SSUH2: variants seen among roughly 807,000 people sequenced by gnomAD.
The protein encoded by SSUH2 is protein SSUH2 homolog.
Under a neutral mutation model 55.3 loss-of-function variants are expected in SSUH2, and 47 were observed. That is an observed-to-expected ratio of 0.85 (90% CI 0.67 to 1.08). SSUH2 has a LOEUF of 1.08. Ranked by LOEUF, SSUH2 falls within the 50% of genes least tolerant of loss-of-function variation. SSUH2 has a pLI of 0.00. For synonymous variants in SSUH2, 212 were observed against 191.5 expected, an observed-to-expected ratio of 1.11 and a Z score of -0.89; for missense variants, 535 against 490.7, an observed-to-expected ratio of 1.09 and a Z score of -0.85.
chr3:8,621,585 T>C (rs771464571), intron 11 of SSUH2, among the ~76,000 whole-genome samples: 1 of 152,144 alleles, frequency 6.6e-6, no homozygotes, highest in Non-Finnish European at 1.5e-5. Flanking sequence ...CAGCTTTCCA[T>C]GTGATCTTGT....
At chr3:8,642,978 G>T (rs1701111446) in intron 1 of SSUH2, among the ~76,000 whole-genome samples, 1 of 152,136 alleles carries the variant, frequency 6.6e-6, no homozygotes, top group African/African-American at 2.4e-5. Flanking sequence ...ACAACCCTAT[G>T]AAAGACTCAG....
At chr3:8,621,369 C>T (rs755023778) in intron 11 of SSUH2, among the ~76,000 whole-genome samples, 8 of 152,090 alleles carry the variant, frequency 5.3e-5, no homozygotes, top group African/African-American at 1.4e-4. Context: ...TAAACCAGGC[C>T]GGGTGGGGGG....
chr3:8,624,654 T>G (rs1055435766), intron 10 of SSUH2, among the ~76,000 whole-genome samples: 4 of 152,200 alleles, frequency 2.6e-5, no homozygotes, highest in African/African-American at 9.7e-5. Context: ...GCTTTCAGAC[T>G]ATGTAGTCTG....
chr3:8,631,081 G>T, intron 5 of SSUH2, 152 bp from the exon 6 acceptor site: 1 of 772,166 alleles, frequency 1.3e-6, no homozygotes, highest in Non-Finnish European at 1.8e-6. Context: ...CTTCCTTGGA[G>T]GCAGTGACTA....
In SSUH2 at chr3:8,633,796, C is replaced by T; in HGVS notation, c.210-1G>A. On this transcript the variant is annotated splice_acceptor_variant, in intron 3 of 11. Transcript: ENST00000544814. LOFTEE classifies it high-confidence loss of function. ...CACCTCCTCCGTCATCGCAGGGACTCTGCAGGGGACCGAACAGAGAGGCGG... is the reference window on the plus strand; with the variant it reads ...CACCTCCTCCGTCATCGCAGGGACTTTGCAGGGGACCGAACAGAGAGGCGG... 1 of 1,613,666 alleles carries T rather than the reference C, an allele frequency of 6.2e-7. No individual in the cohort carries two copies. Among genetic ancestry groups the T allele is most frequent in the Non-Finnish European group, 8.5e-7 (1 of 1,179,934 alleles).
chr3:8,676,552 G>A (rs1447128369), intron 3 of SSUH2, among the ~76,000 whole-genome samples: 1 of 151,004 alleles, frequency 6.6e-6, no homozygotes, highest in East Asian at 2.0e-4. Flanking sequence ...GCCATATTGG[G>A]AGTAATATCA....
Position 8,630,269 on chromosome 3 carries a change from T to C in SSUH2, c.525+536A>G, listed in dbSNP as rs1698492521. Among the ~76,000 whole-genome samples the C allele has an allele frequency of 4.6e-5, 7 of 152,236 alleles. 1 individual carries two copies. The South Asian group carries it at 1.5e-3, about 32-fold the overall frequency. On this transcript the variant is annotated intron_variant, in intron 6 of 11. Transcript: ENST00000544814. ...TGCACCCTTAAATCCAGTCCAAAAGTGTAAAGCAGGCAGTAACCGGAAAAG... is the reference window on the plus strand; with the variant it reads ...TGCACCCTTAAATCCAGTCCAAAAGCGTAAAGCAGGCAGTAACCGGAAAAG...
At chr3:8,626,351 G>T in intron 8 of SSUH2, 30 bp from the exon 9 acceptor site, 1 of 1,591,312 alleles carries the variant, frequency 6.3e-7, no homozygotes, top group Non-Finnish European at 8.6e-7. Flanking sequence ...CGTACCCCCA[G>T]ATCAGTTGCA....
At chr3:8,644,936 C>T (rs1018098420), upstream of SSUH2, 3 of 648,080 alleles carry the variant, frequency 4.6e-6, no homozygotes, top group African/African-American at 1.8e-5. Context: ...CCCAATCCAC[C>T]GGGTTCTGGG....
chr3:8,635,885 TTGGG>T, intron 1 of SSUH2, 28 bp from the exon 2 acceptor site: 1 of 1,530,716 alleles, frequency 6.5e-7, no homozygotes, highest in Non-Finnish European at 8.7e-7. Flanking sequence ...TTCCTAAGCC[TTGGG>T]TAGGGAGGCG....
chr3:8,664,891 C>T (rs532832302), intron 5 of SSUH2, among the ~76,000 whole-genome samples: 27 of 152,342 alleles, frequency 1.8e-4, no homozygotes, highest in Middle Eastern at 3.4e-3. Context: ...AGGCATCTCC[C>T]GATTCCTGCA....
At chr3:8,671,075 G>A (rs1353845238) in exon 5 of SSUH2, 1 of 323,584 alleles carries the variant, frequency 3.1e-6, no homozygotes, top group South Asian at 2.4e-5. Flanking sequence ...ATTGTGAAAT[G>A]ACTAGTGAAG....
intron 3 of SSUH2, chr3:8,634,029 G>C: frequency 1.5e-6 from 2 of 1,378,590 alleles, no homozygotes; most frequent in Non-Finnish European, 2.0e-6. Flanking sequence ...TAGTTGAAAT[G>C]TGGAGCTTAG....
At chr3:8,633,882 G>A (rs143511291) in intron 3 of SSUH2, 87 bp from the exon 4 acceptor site, 443 of 1,613,966 alleles carry the variant, frequency 2.7e-4, no homozygotes, top group East Asian at 1.5e-3. Context: ...ACGTGCAGGC[G>A]AGAAACTGAG....
chr3:8,668,415 C>G (rs905539796), intron 5 of SSUH2, among the ~76,000 whole-genome samples: 3 of 152,228 alleles, frequency 2.0e-5, no homozygotes, highest in African/African-American at 7.2e-5. Flanking sequence ...TGATTCATCT[C>G]TCTTGGATTA....
At chr3:8,625,388 C>A (rs948318122) in intron 10 of SSUH2, among the ~76,000 whole-genome samples, 154 bp downstream of exon 10, 1 of 152,126 alleles carries the variant, frequency 6.6e-6, no homozygotes, top group African/African-American at 2.4e-5. Context: ...AGCCCCCAGG[C>A]TCCCCACAGC....
rs930919935 is a variant in SSUH2 at position 8,672,266 on chromosome 3, A to C, written c.-752-231T>G. Among the ~76,000 whole-genome samples the C allele has an allele frequency of 6.2e-4, 94 of 151,754 alleles. 1 individual carries two copies. The highest frequency in any genetic ancestry group is 2.2e-4 in the Non-Finnish European group (15 of 67,948). On this transcript the variant is annotated intron_variant, in intron 3 of 18. Coordinates refer to the SSUH2 transcript ENST00000317371. ...GTAGGGTCATCCTCTCCCCCTTGTA[A>C]TATTAAGGACCATATCACAGGGGGG...
intron 6 of SSUH2, 89 bp from the exon 7 acceptor site, chr3:8,629,815 TG>T: frequency 7.9e-7 from 1 of 1,268,176 alleles, no homozygotes; most frequent in Non-Finnish European, 1.2e-6. Context: ...GAAGGTGGAG[TG>T]GATCAGGACC....
upstream of SSUH2, chr3:8,644,931 T>A: frequency 1.5e-6 from 1 of 651,128 alleles, no homozygotes; most frequent in South Asian, 1.8e-5. Flanking sequence ...CTGCACCCAA[T>A]CCACCGGGTT....
Sources: allele counts gnomAD v4.1 joint callset (sites outside exome capture counted in the v4.1 genomes callset), GRCh38; gene constraint gnomAD v4.1.1; transcripts MANE v1.5; gene names NCBI Gene and HGNC (gene_info 2026-07-23, HGNC 2026-07-21).